The following FHIT variants were observed in gnomAD, a reference collection of about 807,000 sequenced individuals.
FHIT encodes the protein bis(5'-adenosyl)-triphosphatase.
FHIT carries 19 observed loss-of-function variants against 17.9 expected under a neutral mutation model. The ratio of observed to expected loss-of-function variants is 1.06; its 90% CI spans 0.74 to 1.56. The LOEUF (loss-of-function observed/expected upper bound fraction) is 1.56. Among genes scored for constraint, FHIT ranks in the 40% most tolerant of loss-of-function variants. The pLI is 0.00. For missense variants in FHIT, 248 were observed against 189.2 expected (o/e 1.31, Z -1.82); for synonymous variants, 81 against 69.7 (o/e 1.16, Z -0.81).
At chr3:60,530,141 T>A (rs1290911863) in intron 5 of FHIT, among the ~76,000 whole-genome samples, 3 of 152,062 alleles carry the variant, frequency 2.0e-5, no homozygotes, top group African/African-American at 7.2e-5. Context: ...CAGGTCAAGA[T>A]CAAGGAAAGA....
At chr3:60,099,751 G>T (rs1275665065) in intron 5 of FHIT, among the ~76,000 whole-genome samples, 1 of 152,042 alleles carries the variant, frequency 6.6e-6, no homozygotes, top group Non-Finnish European at 1.5e-5. Context: ...GGTTTACTGG[G>T]AGTATTAAAT....
intron 5 of FHIT, among the ~76,000 whole-genome samples, chr3:60,057,487 G>A (rs911354774): frequency 6.6e-6 from 1 of 152,094 alleles, no homozygotes; most frequent in Non-Finnish European, 1.5e-5. Flanking sequence ...ATTCTGACAC[G>A]TTACAACATG....
At chr3:60,526,466 C>A (rs1032506303) in intron 5 of FHIT, among the ~76,000 whole-genome samples, 1 of 152,114 alleles carries the variant, frequency 6.6e-6, no homozygotes, top group Non-Finnish European at 1.5e-5. Flanking sequence ...TGGTCATTTA[C>A]AGGAACCGGG....
rs2030413448 is a variant in FHIT at position 60,437,835 on chromosome 3, TG to T, written c.103+99024del. Among the ~76,000 whole-genome samples, 3 of 152,228 alleles carry T rather than the reference TG, an allele frequency of 2.0e-5. No homozygotes were observed. In the South Asian group the frequency reaches 6.2e-4, roughly 32 times the overall value. ...AATATGGAGTTAATAGGTGTTTGGCTGACATACTTTAAGATATTCTCTACCC... is the reference window on the plus strand; with the variant it reads ...AATATGGAGTTAATAGGTGTTTGGCTACATACTTTAAGATATTCTCTACCC... On this transcript the variant is annotated intron_variant, in intron 5 of 9. Coordinates refer to ENST00000492590, the MANE Select transcript of FHIT (RefSeq NM_002012.4).
chr3:60,422,057 A>G (rs1015233246), intron 5 of FHIT, among the ~76,000 whole-genome samples: 1 of 152,108 alleles, frequency 6.6e-6, no homozygotes, highest in Admixed American at 6.6e-5. Flanking sequence ...CTGACATCTT[A>G]AATGCCTCTG....
At chr3:61,211,224 A>T (rs1576228428) in intron 1 of FHIT, among the ~76,000 whole-genome samples, 1 of 151,930 alleles carries the variant, frequency 6.6e-6, no homozygotes. Flanking sequence ...GGGAAGTGCA[A>T]GGGGTCAGAG....
intron 5 of FHIT, among the ~76,000 whole-genome samples, chr3:60,310,336 G>T (rs1431216746): frequency 6.6e-6 from 1 of 152,132 alleles, no homozygotes; most frequent in East Asian, 1.9e-4. Context: ...CTCTCTTAAA[G>T]AAACTGGTGC....
At chr3:60,684,221 T>C (rs1287209178) in intron 4 of FHIT, among the ~76,000 whole-genome samples, 3 of 152,104 alleles carry the variant, frequency 2.0e-5, no homozygotes, top group African/African-American at 7.2e-5. Context: ...CACTTTCAGC[T>C]TCTGGTGGTT....
chr3:60,483,080 A>G (rs1298584619), intron 5 of FHIT, among the ~76,000 whole-genome samples: 1 of 152,196 alleles, frequency 6.6e-6, no homozygotes, highest in Non-Finnish European at 1.5e-5. Flanking sequence ...AAAATCTAGA[A>G]GAAATGGATA....
At chr3:60,370,223 CA>C (rs1700273101) in intron 5 of FHIT, among the ~76,000 whole-genome samples, 1 of 10 alleles carries the variant, frequency 0.1, no homozygotes, top group South Asian at 0.5. Context: ...TTCATAAATA[CA>C]CTTTATGTTT....
At chr3:60,506,906 T>C (rs1167674903) in intron 5 of FHIT, among the ~76,000 whole-genome samples, 2 of 152,140 alleles carry the variant, frequency 1.3e-5, no homozygotes. Context: ...AACTGACGGA[T>C]ATACTATCCC....
intron 5 of FHIT, among the ~76,000 whole-genome samples, chr3:60,087,925 C>T (rs899321258): frequency 6.6e-6 from 1 of 152,090 alleles, no homozygotes. Flanking sequence ...CATTTTGTAT[C>T]GCTACAAAGG....
At chr3:60,536,756 C>A in intron 5 of FHIT, 104 bp downstream of exon 5, 2 of 1,240,028 alleles carry the variant, frequency 1.6e-6, no homozygotes, top group Non-Finnish European at 2.1e-6. Flanking sequence ...TCTTTATTTA[C>A]CTTTTTGGAC....
chr3:61,246,874 T>G (rs572570020), intron 1 of FHIT, among the ~76,000 whole-genome samples: 8 of 151,824 alleles, frequency 5.3e-5, no homozygotes, highest in African/African-American at 1.9e-4. Context: ...TTAAAAAAAT[T>G]TAAAAAAAGA....
intron 1 of FHIT, among the ~76,000 whole-genome samples, chr3:61,237,523 T>C (rs184055913): frequency 2.0e-5 from 3 of 152,348 alleles, no homozygotes; most frequent in East Asian, 3.9e-4. Flanking sequence ...AAAGTGAATA[T>C]GAAACTTCAC....
chr3:60,307,078 CCA>C (rs1415720939), intron 5 of FHIT, among the ~76,000 whole-genome samples: 1 of 152,088 alleles, frequency 6.6e-6, no homozygotes, highest in Non-Finnish European at 1.5e-5. Flanking sequence ...TCTTTCTTCC[CCA>C]CACAACAAAA....
rs60177380 is a variant in FHIT at position 60,875,923 on chromosome 3, A to ATGTGTGTGTGTG, written c.-110-53924_-110-53913dup. Among the ~76,000 whole-genome samples, 299 of 136,886 alleles carry ATGTGTGTGTGTG rather than the reference A, an allele frequency of 2.2e-3. 2 individuals carry two copies. Among genetic ancestry groups the ATGTGTGTGTGTG allele is most frequent in the African/African-American group, 5.1e-3 (192 of 37,520 alleles). 89.8% of individuals were successfully genotyped at this position (136,886 alleles called of 152,430 possible). On this transcript the variant is annotated intron_variant, in intron 3 of 9. Coordinates refer to ENST00000492590, the MANE Select transcript of FHIT (RefSeq NM_002012.4). The stretch of plus-strand genomic sequence containing the variant: ...ATTTTTAGCTAAGGAAAACTTATTC[A>ATGTGTGTGTGTG]TGTGTGTGTGTGTGTGTGTGTGTGT...
At chr3:60,609,616 C>T (rs891622312) in intron 4 of FHIT, among the ~76,000 whole-genome samples, 9 of 152,102 alleles carry the variant, frequency 5.9e-5, no homozygotes, top group South Asian at 2.1e-4. Context: ...TGAGCCACCG[C>T]GCCCAGCCCT....
intron 4 of FHIT, among the ~76,000 whole-genome samples, chr3:60,546,100 A>ATT (rs140078762): frequency 5.3e-5 from 8 of 151,426 alleles, no homozygotes; most frequent in African/African-American, 1.9e-4. Flanking sequence ...GTTCTCTTGA[A>ATT]TTTTTTTTTA....
Sources: gnomAD v4.1 joint callset for allele counts (sites outside exome capture counted in the v4.1 genomes callset) on GRCh38, gnomAD v4.1.1 for gene constraint, MANE v1.5 for transcripts, NCBI Gene and HGNC (gene_info 2026-07-23, HGNC 2026-07-21) for gene names.